ZNF250: variants seen among roughly 807,000 people sequenced by gnomAD.
The protein encoded by ZNF250 is zinc finger protein 250.
Under a neutral mutation model 37.1 loss-of-function variants are expected in ZNF250, and 13 were observed. The ratio of observed to expected loss-of-function variants is 0.35; its 90% confidence interval spans 0.23 to 0.56. The LOEUF (loss-of-function observed/expected upper bound fraction) is 0.56. Ranked by LOEUF, ZNF250 falls within the 20% of genes least tolerant of loss-of-function variation. ZNF250 has a pLI of 0.87. For synonymous variants in ZNF250, 251 were observed against 265.6 expected, an observed-to-expected ratio of 0.94 and a Z score of 0.54; for missense variants, 474 against 697.9, an observed-to-expected ratio of 0.68 and a Z score of 3.61.
chr8:144,883,777 T>C (rs1434112106), intron 5 of ZNF250, among the ~76,000 whole-genome samples: 1 of 152,102 alleles, frequency 6.6e-6, no homozygotes, highest in African/African-American at 2.4e-5. Context: ...AGCAGAAGCA[T>C]AGATGGCGGG....
intron 5 of ZNF250, among the ~76,000 whole-genome samples, chr8:144,883,385 G>A (rs1176988767): frequency 1.3e-5 from 2 of 151,640 alleles, no homozygotes; most frequent in Non-Finnish European, 2.9e-5. Context: ...TGTTATCCAG[G>A]CTGGAGTGCA....
chr8:144,882,085 C>T lies in ZNF250; in HGVS notation c.1098G>A (p.Glu366=), dbSNP rs532297652. Residue 366 remains glutamate (E), a synonymous_variant, in exon 6 of 6, where the codon GAG becomes GAA. Coordinates refer to ENST00000417550, the MANE Select transcript of ZNF250 (RefSeq NM_001109689.4). This position sits in a 1 kb window ranked among gnomAD's most constrained non-coding sequence, Gnocchi z 5.5. ...AGCGGTCGCTGAAGGCCTTCCCACA[C>T]TCGCTGCACGTGTAGGGCTTCTCCC... ...HTGEKPYTCS[E]CGKAFSDRSV... 1.6e-5 allele frequency: 25 copies of T among 1,612,712 alleles called. No individual in the cohort carries two copies. In the African/African-American group the frequency reaches 3.2e-4, roughly 21 times the overall value.
chr8:144,881,965 C>A lies in ZNF250; in HGVS notation c.1218G>T (p.Met406Ile). The A allele has an allele frequency of 1.2e-6, 2 of 1,613,412 alleles. No homozygotes were observed. The highest frequency in any genetic ancestry group is 1.7e-6 in the Non-Finnish European group (2 of 1,179,840). ...GKTFSHRSTL[M>I]NHERIHTEEK... Reference sequence around the variant, plus strand: ...CCTCGGTGTGGATCCGCTCGTGATTCATCAGTGTGGAGCGGTGGCTGAAGG... The same window carrying A: ...CCTCGGTGTGGATCCGCTCGTGATTAATCAGTGTGGAGCGGTGGCTGAAGG... Residue 406 changes from methionine to isoleucine, a missense_variant, in exon 6 of 6, where the codon ATG (methionine) becomes ATT (isoleucine). Physicochemically the swap from Met to Ile is conservative, Grantham distance 10 (BLOSUM62 1). Transcript: ENST00000417550.
At chr8:144,893,016 C>A (rs991951072) in intron 1 of ZNF250, among the ~76,000 whole-genome samples, 14 of 151,346 alleles carry the variant, frequency 9.3e-5, no homozygotes, top group African/African-American at 3.2e-4. Flanking sequence ...CCCACCAGCA[C>A]GCTCGGCTAA....
chr8:144,882,180 T>C lies in ZNF250; in HGVS notation c.1003A>G (p.Arg335Gly), dbSNP rs763000596. 1 of 1,612,590 alleles carries C rather than the reference T, an allele frequency of 6.2e-7. No individual in the cohort carries two copies. Among genetic ancestry groups the C allele is most frequent in the Non-Finnish European group, 8.5e-7 (1 of 1,179,642 alleles). Residue 335 changes from arginine (R) to glycine (G), a missense_variant, in exon 6 of 6, where the codon AGG (arginine) becomes GGG (glycine). By Grantham distance (125) the Arg-to-Gly change is moderately radical. Coordinates refer to ENST00000417550, the MANE Select transcript of ZNF250 (RefSeq NM_001109689.4). This position sits in a 1 kb window ranked among gnomAD's most constrained non-coding sequence, Gnocchi z 5.5. ...QRVHTGEKPH[R>G]CNECGKTFSV... ...AAGGTTTTCCCACACTCATTGCACC[T>C]GTGAGGCTTCTCCCCAGTGTGTACC... is the stretch of plus-strand genomic sequence containing the variant.
In ZNF250 at chr8:144,881,929, A is replaced by G. The variant is rs912528015; in HGVS notation, c.1254T>C (p.Tyr418=). ...HERIHTEEKP[Y]ACYECGKAFV... The stretch of plus-strand genomic sequence containing the variant: ...AGGCCTTCCCACATTCGTAGCATGC[A>G]TAGGGCTTTTCCTCGGTGTGGATCC... Residue 418 remains tyrosine (Y), a synonymous_variant, in exon 6 of 6, where the codon TAT becomes TAC. Transcript: ENST00000417550. The G allele has an allele frequency of 3.7e-6, 6 of 1,613,552 alleles. No homozygotes were observed. The highest frequency in any genetic ancestry group is 5.1e-6 in the Non-Finnish European group (6 of 1,179,944).
chr8:144,877,898 A>G lies in ZNF250; in HGVS notation c.*3617T>C, dbSNP rs1463601320. 1 of 152,194 alleles carries G rather than the reference A, an allele frequency of 6.6e-6. No homozygotes were observed. Among genetic ancestry groups the G allele is most frequent in the Admixed American group, 6.5e-5 (1 of 15,274 alleles). 9.4% of individuals were successfully genotyped at this position (152,194 alleles called of 1,614,324 possible). A position where few individuals can be genotyped will look rare whatever the true frequency, so the allele number is the denominator to read the frequency against. ...TCTAAACAAATGTTCCTGTATATTG[A>G]ATTTAATTATTCTCATCTTAATTGG... On this transcript the variant is annotated 3_prime_UTR_variant, in exon 6 of 6. Transcript: ENST00000417550.
rs768793088 is a variant in ZNF250 at position 144,882,868 on chromosome 8, A to C, written c.347-32T>G. On this transcript the variant is annotated intron_variant, in intron 5 of 5. Coordinates refer to ENST00000417550, the MANE Select transcript of ZNF250 (RefSeq NM_001109689.4). This position sits in a 1 kb window ranked among gnomAD's most constrained non-coding sequence, Gnocchi z 5.5. ...GAACAAATCCAAAATGAAAATGTTA[A>C]CACTACTCAAAACTGAAGAGCTAGT... 1.3e-6 allele frequency: 2 copies of C among 1,575,662 alleles called. No homozygotes were observed. Among genetic ancestry groups the C allele is most frequent in the Non-Finnish European group, 1.7e-6 (2 of 1,162,140 alleles).
chr8:144,899,068 C>A (rs1218827213), intron 1 of ZNF250, among the ~76,000 whole-genome samples: 1 of 152,114 alleles, frequency 6.6e-6, no homozygotes, highest in Admixed American at 6.5e-5. Context: ...GAAATTATGT[C>A]ATTTGCAGCA....
At chr8:144,898,821 A>G (rs933167134) in intron 1 of ZNF250, among the ~76,000 whole-genome samples, 1 of 152,234 alleles carries the variant, frequency 6.6e-6, no homozygotes, top group African/African-American at 2.4e-5. Context: ...TATGGCCAAC[A>G]AGCATATGAA....
Position 144,897,786 on chromosome 8 carries a change from A to C in ZNF250, c.-55+3613T>G, listed in dbSNP as rs1278907250. ...TTTAACTAAAAGTATCCCTTATGGG[A>C]AACGAAGGGATGGGCCGAATTAAAG... On this transcript the variant is annotated intron_variant, in intron 1 of 5. Coordinates refer to ENST00000417550, the MANE Select transcript of ZNF250 (RefSeq NM_001109689.4). This position sits in a 1 kb window ranked among gnomAD's most constrained non-coding sequence, Gnocchi z 5.2. Among the ~76,000 whole-genome samples, 1 of 152,236 alleles carries C rather than the reference A, an allele frequency of 6.6e-6. No homozygotes were observed. The highest frequency in any genetic ancestry group is 2.4e-5 in the African/African-American group (1 of 41,462).
At position 144,881,282 on chromosome 8, in the gene ZNF250, G is replaced by A; in HGVS notation, c.*233C>T. 2.1e-6 allele frequency: 1 copy of A among 483,108 alleles called. No individual in the cohort carries two copies. The allele number at this position is 483,108 out of a possible 1,614,324, so 29.9% of individuals were successfully genotyped here. A position where few individuals can be genotyped will look rare whatever the true frequency, so the allele number is the denominator to read the frequency against. Reference sequence around the variant, plus strand: ...TTTTTTACCAAAATTCTCTACAATTGTATGATTACTCTCCAACATAACTTC... The same window carrying A: ...TTTTTTACCAAAATTCTCTACAATTATATGATTACTCTCCAACATAACTTC... On this transcript the variant is annotated 3_prime_UTR_variant, in exon 6 of 6. Coordinates refer to ENST00000417550, the MANE Select transcript of ZNF250 (RefSeq NM_001109689.4).
intron 4 of ZNF250, among the ~76,000 whole-genome samples, 169 bp downstream of exon 4, chr8:144,889,412 C>G (rs1259267600): frequency 6.6e-6 from 1 of 152,238 alleles, no homozygotes; most frequent in Non-Finnish European, 1.5e-5. Context: ...GGGCTGCCAC[C>G]TGATTCAGCA....
At chr8:144,895,357 T>C (rs952489966) in intron 1 of ZNF250, 4 of 152,106 alleles carry the variant, frequency 2.6e-5, no homozygotes, top group Non-Finnish European at 5.9e-5. Context: ...ATGAAGGGTA[T>C]GTGTGTCACA....
In ZNF250 at chr8:144,889,684, T is replaced by A; in HGVS notation, c.180A>T (p.Gly60=). Residue 60 remains glycine, a synonymous_variant, in exon 4 of 6, where the codon GGA becomes GGT. Transcript: ENST00000417550. ...YGNVVSLGLP[G]SKPDIISQLE... ...GCTGGGAGATTATGTCAGGCTTGGATCCTGGAAGTCCTGCTCGTGGGGAGG... is the reference window on the plus strand; with the variant it reads ...GCTGGGAGATTATGTCAGGCTTGGAACCTGGAAGTCCTGCTCGTGGGGAGG... 6.2e-7 allele frequency: 1 copy of A among 1,613,726 alleles called. No homozygotes were observed. Among genetic ancestry groups the A allele is most frequent in the Non-Finnish European group, 8.5e-7 (1 of 1,179,818 alleles).
In ZNF250 at chr8:144,889,791, G is replaced by C; in HGVS notation, c.170-97C>G. 4 of 1,458,634 alleles carry C rather than the reference G, an allele frequency of 2.7e-6. No individual in the cohort carries two copies. The South Asian group carries it at 5.3e-5, about 19-fold the overall frequency. 90.4% of individuals were successfully genotyped at this position (1,458,634 alleles called of 1,614,324 possible). A position where few individuals can be genotyped will look rare whatever the true frequency, so the allele number is the denominator to read the frequency against. The stretch of plus-strand genomic sequence containing the variant: ...TGGGGACATGAAAATGGACAGGACT[G>C]ATCTTCTGCTGGAGCTGAGCACCCA... On this transcript the variant is annotated intron_variant, in intron 3 of 5. Coordinates refer to ENST00000417550, the MANE Select transcript of ZNF250 (RefSeq NM_001109689.4).
chr8:144,896,016 A>AAAAAAAAAAG, intron 1 of ZNF250, among the ~76,000 whole-genome samples: 1 of 151,690 alleles, frequency 6.6e-6, no homozygotes, highest in East Asian at 1.9e-4. Context: ...CTCAAAAAAA[A>AAAAAAAAAAG]AAAAAAAAAA....
At chr8:144,893,550 C>G (rs7834033) in intron 1 of ZNF250, among the ~76,000 whole-genome samples, 1 of 151,964 alleles carries the variant, frequency 6.6e-6, no homozygotes, top group Non-Finnish European at 1.5e-5. Flanking sequence ...AGGCTGGTCT[C>G]GAACCCCTGA....
rs1219267451 is a variant in ZNF250 at position 144,878,909 on chromosome 8, C to T, written c.*2606G>A. On this transcript the variant is annotated 3_prime_UTR_variant, in exon 6 of 6. Transcript: ENST00000417550. The stretch of plus-strand genomic sequence containing the variant: ...GCAGTACCCACTAGTGATGTCAATT[C>T]CTTTCAGAAGTAACACCCAGTGATC... The T allele has an allele frequency of 6.6e-6, 1 of 152,192 alleles. No homozygotes were observed. The highest frequency in any genetic ancestry group is 1.5e-5 in the Non-Finnish European group (1 of 68,046). The allele number at this position is 152,192 out of a possible 1,614,324, so 9.4% of individuals were successfully genotyped here.
Sources: gnomAD v4.1 joint callset for allele counts (sites outside exome capture counted in the v4.1 genomes callset) on GRCh38, gnomAD v4.1.1 for gene constraint, Gnocchi (gnomAD v3.1) non-coding constraint, MANE v1.5 for transcripts, NCBI Gene and HGNC (gene_info 2026-07-23, HGNC 2026-07-21) for gene names.